ABCA5: variants seen among roughly 807,000 people sequenced by gnomAD.
ABCA5 encodes the protein cholesterol transporter ABCA5.
In ABCA5, 163 loss-of-function variants were observed where a neutral mutation model predicts 206.0. That is an observed-to-expected ratio of 0.79 (90% CI 0.70 to 0.90). The LOEUF (loss-of-function observed/expected upper bound fraction) is 0.90, where lower values mean the gene tolerates loss of function less well. Ranked by LOEUF, ABCA5 falls within the 40% of genes least tolerant of loss-of-function variation. The pLI, the probability that ABCA5 is intolerant of heterozygous loss-of-function variation, is 0.00. For missense variants in ABCA5, 1,859 were observed against 1,912.9 expected, an observed-to-expected ratio of 0.97 and a Z score of 0.53; for synonymous variants, 609 against 613.8, an observed-to-expected ratio of 0.99 and a Z score of 0.11.
At chr17:69,281,558 C>A (rs1055402457) in intron 18 of ABCA5, among the ~76,000 whole-genome samples, 2 of 152,092 alleles carry the variant, frequency 1.3e-5, no homozygotes, top group Admixed American at 1.3e-4. Context: ...TCAGATAAAT[C>A]TTCTTTGATC....
At chr17:69,263,663 A>G (rs146938628) in intron 24 of ABCA5, among the ~76,000 whole-genome samples, 138 of 139,992 alleles carry the variant, frequency 9.9e-4, no homozygotes, top group African/African-American at 3.7e-3. Context: ...CAGGTAATGA[A>G]ATGCCTCTGG....
chr17:69,294,530 T>C, intron 11 of ABCA5, 125 bp downstream of exon 11: 2 of 902,996 alleles, frequency 2.2e-6, no homozygotes, highest in Middle Eastern at 2.6e-4. Flanking sequence ...TCAAAAAAAA[T>C]AAAATAAAAT....
chr17:69,292,222 T>G (rs1298386606), intron 11 of ABCA5, among the ~76,000 whole-genome samples: 1 of 152,180 alleles, frequency 6.6e-6, no homozygotes, highest in Non-Finnish European at 1.5e-5. Context: ...GAAAGGGAAC[T>G]CAACAACTAA....
intron 34 of ABCA5, 83 bp downstream of exon 34, chr17:69,253,490 T>C (rs185423871): frequency 2.4e-6 from 2 of 838,942 alleles, no homozygotes; most frequent in Non-Finnish European, 3.7e-6. Flanking sequence ...AAGATGTACA[T>C]ATAACTAACA....
intron 23 of ABCA5, 26 bp from the exon 24 acceptor site, chr17:69,264,931 TATA>T (rs2075191717): frequency 1.4e-6 from 2 of 1,422,342 alleles, no homozygotes; most frequent in African/African-American, 1.5e-5. Flanking sequence ...AACAATTTAT[TATA>T]ATTTTAGACA....
Position 69,259,790 on chromosome 17 carries a change from A to G in ABCA5, c.3647T>C (p.Leu1216Pro). The G allele has an allele frequency of 6.3e-7, 1 of 1,590,384 alleles. No individual in the cohort carries two copies. The highest frequency in any genetic ancestry group is 8.6e-7 in the Non-Finnish European group (1 of 1,164,968). Residue 1216 changes from leucine (L) to proline (P), a missense_variant, in exon 28 of 39, where the codon CTG (leucine) becomes CCG (proline). Physicochemically the swap from Leu to Pro is moderately conservative, Grantham distance 98. Transcript: ENST00000392676. ...RLSVAVISPY[L>P]QCVLWIFLLQ... ...GAGGAAAATCCACAGTACACACTGC[A>G]GGTAAGGCTAAAAGAAGAACATGTA...
intron 3 of ABCA5, 81 bp from the exon 4 acceptor site, chr17:69,309,504 T>C (rs1317376934): frequency 8.7e-6 from 9 of 1,030,936 alleles, no homozygotes; most frequent in Non-Finnish European, 1.2e-5. Context: ...ATTATTTTGA[T>C]GAATGGAATA....
intron 7 of ABCA5, among the ~76,000 whole-genome samples, chr17:69,303,558 A>C (rs1231993120): frequency 6.7e-6 from 1 of 149,640 alleles, no homozygotes; most frequent in Admixed American, 6.8e-5. Flanking sequence ...AAATCAACAA[A>C]AATTTTAAGT....
intron 23 of ABCA5, among the ~76,000 whole-genome samples, chr17:69,266,581 T>C (rs949953316): frequency 4.1e-4 from 60 of 146,888 alleles, no homozygotes; most frequent in African/African-American, 1.4e-3. Context: ...AATATATATA[T>C]ATATAAATAA....
At chr17:69,253,928 C>G in intron 32 of ABCA5, 59 bp from the exon 33 acceptor site, 1 of 1,376,230 alleles carries the variant, frequency 7.3e-7, no homozygotes, top group Admixed American at 1.9e-5. Flanking sequence ...CAAATACCAA[C>G]TGGGTGTGAT....
chr17:69,310,218 C>G (rs1172370466), intron 3 of ABCA5, among the ~76,000 whole-genome samples: 3 of 152,086 alleles, frequency 2.0e-5, no homozygotes, highest in African/African-American at 7.2e-5. Flanking sequence ...ATCTTGCACT[C>G]AAACTTCAGG....
chr17:69,322,525 AT>A (rs1250787606), intron 1 of ABCA5, among the ~76,000 whole-genome samples: 1 of 152,146 alleles, frequency 6.6e-6, no homozygotes, highest in Admixed American at 6.5e-5. Flanking sequence ...AAAATAAGAA[AT>A]TTGAAAGCTA....
chr17:69,310,897 G>C (rs190945029), intron 3 of ABCA5, among the ~76,000 whole-genome samples: 7 of 152,150 alleles, frequency 4.6e-5, no homozygotes, highest in African/African-American at 1.7e-4. Flanking sequence ...ACATCAAAAC[G>C]CTTTGTAGGC....
intron 30 of ABCA5, 43 bp downstream of exon 30, chr17:69,255,690 T>C: frequency 1.3e-6 from 2 of 1,575,286 alleles, no homozygotes; most frequent in Non-Finnish European, 1.7e-6. Flanking sequence ...AAGTAGAAAT[T>C]ACTCTTCTAG....
chr17:69,305,945 CAAT>C (rs2075712931), intron 6 of ABCA5, among the ~76,000 whole-genome samples: 2 of 152,144 alleles, frequency 1.3e-5, no homozygotes, highest in South Asian at 4.1e-4. Flanking sequence ...ATGTTATATA[CAAT>C]AATTCCATTA....
At chr17:69,248,521 G>A in intron 37 of ABCA5, 1 of 343,330 alleles carries the variant, frequency 2.9e-6, no homozygotes, top group Non-Finnish European at 5.5e-6. Flanking sequence ...ACTGTATGTT[G>A]AATGTTACTT....
At chr17:69,322,188 G>A (rs1183248740) in intron 1 of ABCA5, among the ~76,000 whole-genome samples, 1 of 151,746 alleles carries the variant, frequency 6.6e-6, no homozygotes, top group East Asian at 1.9e-4. Flanking sequence ...CGGCCAACAT[G>A]GTGAAACCCT....
intron 20 of ABCA5, among the ~76,000 whole-genome samples, chr17:69,272,238 A>G (rs1411843526): frequency 6.6e-6 from 1 of 152,128 alleles, no homozygotes; most frequent in Non-Finnish European, 1.5e-5. Flanking sequence ...AGAGAGACAC[A>G]TTATAAGTGA....
intron 35 of ABCA5, 91 bp downstream of exon 35, chr17:69,251,656 T>C: frequency 6.8e-7 from 1 of 1,473,458 alleles, no homozygotes. Context: ...AACATTTAAA[T>C]TACTAACTAT....
Sources: gnomAD v4.1 joint callset for allele counts (sites outside exome capture counted in the v4.1 genomes callset) on GRCh38, gnomAD v4.1.1 for gene constraint, MANE v1.5 for transcripts, NCBI Gene and HGNC (gene_info 2026-07-23, HGNC 2026-07-21) for gene names.